The following SPATA18 variants were observed in gnomAD, a reference collection of about 807,000 sequenced individuals.
SPATA18 encodes the protein mitochondria-eating protein.
SPATA18 carries 54 observed loss-of-function variants against 68.1 expected under a neutral mutation model. The observed-to-expected ratio is 0.79, with a 90% CI of 0.64 to 0.99. The LOEUF (loss-of-function observed/expected upper bound fraction) is 0.99. Ranked by LOEUF, SPATA18 falls within the 50% of genes least tolerant of loss-of-function variation. The pLI is 0.00. For missense variants in SPATA18, 724 were observed against 681.1 expected (o/e 1.06, Z -0.70); for synonymous variants, 242 against 244.8 (o/e 0.99, Z 0.11).
In SPATA18 at chr4:52,082,456, G is replaced by T; in HGVS notation, c.1425G>T (p.Met475Ile). 6.2e-7 allele frequency: 1 copy of T among 1,614,116 alleles called. No homozygotes were observed. Among genetic ancestry groups the T allele is most frequent in the African/African-American group, 1.3e-5 (1 of 75,040 alleles). Residue 475 changes from methionine (M) to isoleucine (I), a missense_variant, in exon 10 of 13, where the codon ATG (methionine) becomes ATT (isoleucine). Met to Ile is a conservative substitution (Grantham distance 10). Coordinates refer to ENST00000295213, the MANE Select transcript of SPATA18 (RefSeq NM_145263.4). ...LVLYHVWPAL[M>I]ENDCVIMKGE... is the part of the protein sequence containing the mutation. ...TCTATCACGTGTGGCCTGCTCTCAT[G>T]GAGAATGACTGTGTCATTATGAAGG...
In SPATA18 at chr4:52,082,410, A is replaced by AT; in HGVS notation, c.1382dup (p.Thr462HisfsTer17). ...AGATACCGCCGCAGCTACGACTCGG[A>AT]TTTCACTGCTCCCTTAGTCCTCTAT... On this transcript the variant is annotated frameshift_variant, in exon 10 of 13. Transcript: ENST00000295213. LOFTEE classifies it high-confidence loss of function. 1 of 1,613,986 alleles carries AT rather than the reference A, an allele frequency of 6.2e-7. No homozygotes were observed. The highest frequency in any genetic ancestry group is 8.5e-7 in the Non-Finnish European group (1 of 1,179,948).
intron 6 of SPATA18, among the ~76,000 whole-genome samples, chr4:52,075,835 A>C (rs1307509674): frequency 6.6e-6 from 1 of 152,208 alleles, no homozygotes; most frequent in South Asian, 2.1e-4. Flanking sequence ...CATGAGCTTC[A>C]TCTGCCCAAG....
intron 8 of SPATA18, among the ~76,000 whole-genome samples, chr4:52,079,275 A>G (rs1191035076): frequency 6.6e-6 from 1 of 152,200 alleles, no homozygotes; most frequent in Non-Finnish European, 1.5e-5. Flanking sequence ...AAGTGGGAGT[A>G]ACACTGTTCA....
Position 52,051,642 on chromosome 4 carries a change from G to A in SPATA18, c.-63G>A, listed in dbSNP as rs1382364764. On this transcript the variant is annotated 5_prime_UTR_variant, in exon 1 of 13. Coordinates refer to ENST00000295213, the MANE Select transcript of SPATA18 (RefSeq NM_145263.4). ...CCATATCACCCCACGGTCCTGCGGAGGCCACCGCCTGGTCCCCCCAAGTCT... is the reference window on the plus strand; with the variant it reads ...CCATATCACCCCACGGTCCTGCGGAAGCCACCGCCTGGTCCCCCCAAGTCT... 3.3e-6 allele frequency: 5 copies of A among 1,506,730 alleles called. No homozygotes were observed. The East Asian group carries it at 6.8e-5, about 20-fold the overall frequency. The allele number at this position is 1,506,730 out of a possible 1,614,324, so 93.3% of individuals were successfully genotyped here.
At chr4:52,074,419 A>T (rs1259168806) in intron 6 of SPATA18, among the ~76,000 whole-genome samples, 1 of 152,194 alleles carries the variant, frequency 6.6e-6, no homozygotes, top group Admixed American at 6.5e-5. Flanking sequence ...AGGAAAAGTC[A>T]TGGTAATGTC....
chr4:52,079,004 A>G (rs1431760510), intron 8 of SPATA18, 111 bp downstream of exon 8: 2 of 1,173,766 alleles, frequency 1.7e-6, no homozygotes, highest in Non-Finnish European at 2.3e-6. Context: ...CTATGTAATG[A>G]AAAAGAAGAA....
chr4:52,085,112 C>A (rs1031447502), intron 11 of SPATA18, 113 bp downstream of exon 11: 2 of 738,838 alleles, frequency 2.7e-6, no homozygotes, highest in Non-Finnish European at 4.5e-6. Flanking sequence ...GGAAAGAGAA[C>A]CTGTTGCAAT....
intron 6 of SPATA18, among the ~76,000 whole-genome samples, chr4:52,074,712 A>G (rs984553566): frequency 6.6e-6 from 1 of 152,234 alleles, no homozygotes; most frequent in Non-Finnish European, 1.5e-5. Flanking sequence ...GAGTACCATT[A>G]TAACAGGGTG....
chr4:52,058,039 G>A (rs1398297644), intron 1 of SPATA18, among the ~76,000 whole-genome samples: 1 of 152,202 alleles, frequency 6.6e-6, no homozygotes, highest in Non-Finnish European at 1.5e-5. Flanking sequence ...AGGGCAAAAG[G>A]CTTGTAAGCA....
At chr4:52,082,861 A>G (rs1394104950) in intron 10 of SPATA18, 1 of 985,192 alleles carries the variant, frequency 1.0e-6, no homozygotes, top group Non-Finnish European at 1.2e-6. Context: ...AAATCAATTA[A>G]CTCTCAGGAA....
chr4:52,093,654 A>G (rs2109547352), intron 11 of SPATA18, among the ~76,000 whole-genome samples: 1 of 152,318 alleles, frequency 6.6e-6, no homozygotes, highest in East Asian at 1.9e-4. Flanking sequence ...AGAAGAAAAT[A>G]CTATTAGACA....
chr4:52,066,183 C>G (rs999384316), intron 4 of SPATA18, among the ~76,000 whole-genome samples: 1 of 152,176 alleles, frequency 6.6e-6, no homozygotes, highest in African/African-American at 2.4e-5. Context: ...CAGAGTCTCG[C>G]TCTGTCACCC....
chr4:52,060,473 G>A lies in SPATA18; in HGVS notation c.142G>A (p.Ala48Thr). The A allele has an allele frequency of 6.2e-7, 1 of 1,614,032 alleles. No homozygotes were observed. The highest frequency in any genetic ancestry group is 8.5e-7 in the Non-Finnish European group (1 of 1,179,950). ...NHCLELIEQVAKVQGQLFGIL... is the reference protein window; with the variant it reads ...NHCLELIEQVTKVQGQLFGIL... ...TTGCCTTGAACTCATTGAGCAAGTT[G>A]CCAAGGTGCAGGGACAACTCTTTGG... The change falls in exon 2 of 13, where the codon GCC becomes ACC. Residue 48 changes from alanine to threonine, a missense_variant. Transcript: ENST00000295213.
In SPATA18 at chr4:52,079,042, C is replaced by A. The variant is rs1578185561; in HGVS notation, c.1179+149C>A. The A allele has an allele frequency of 8.9e-6, 7 of 787,930 alleles. No homozygotes were observed. In the East Asian group the frequency reaches 2.1e-4, roughly 24 times the overall value. 48.8% of individuals were successfully genotyped at this position (787,930 alleles called of 1,614,324 possible). ...GAACAGCATTCAATTTACTTGGTAG[C>A]ACCTGCCATTATTGACTGTTTCTTC... On this transcript the variant is annotated intron_variant, in intron 8 of 12. Transcript: ENST00000295213.
intron 1 of SPATA18, among the ~76,000 whole-genome samples, chr4:52,058,714 C>T (rs889290028): frequency 6.6e-6 from 1 of 152,126 alleles, no homozygotes; most frequent in African/African-American, 2.4e-5. Flanking sequence ...TTGCATCATC[C>T]AGTCCTCCAT....
intron 11 of SPATA18, among the ~76,000 whole-genome samples, chr4:52,086,026 T>C (rs570346190): frequency 1.3e-5 from 2 of 152,308 alleles, no homozygotes; most frequent in East Asian, 3.9e-4. Flanking sequence ...GACCAAGACA[T>C]GTGGACACCA....
chr4:52,097,241 A>G lies in SPATA18; in HGVS notation c.*2354A>G, dbSNP rs1324751187. The G allele has an allele frequency of 6.6e-6, 1 of 152,210 alleles. No homozygotes were observed. Among genetic ancestry groups the G allele is most frequent in the African/African-American group, 2.4e-5 (1 of 41,446 alleles). The allele number at this position is 152,210 out of a possible 1,614,324, so 9.4% of individuals were successfully genotyped here. A position where few individuals can be genotyped will look rare whatever the true frequency, so the allele number is the denominator to read the frequency against. ...CTTAACATCTAATAATAACATTTAA[A>G]AAGTGCTTTTGTAACTATTAGTTAT... On this transcript the variant is annotated 3_prime_UTR_variant, in exon 13 of 13. Coordinates refer to ENST00000295213, the MANE Select transcript of SPATA18 (RefSeq NM_145263.4).
chr4:52,096,001 T>G lies in SPATA18; in HGVS notation c.*1114T>G, dbSNP rs972532538. ...AAACATCTACTTTCTCCACATACCT[T>G]TGAGAGAGACACTGAATTGGCCTCA... is the stretch of plus-strand genomic sequence containing the variant. On this transcript the variant is annotated 3_prime_UTR_variant, in exon 13 of 13. Transcript: ENST00000295213. 1 of 152,150 alleles carries G rather than the reference T, an allele frequency of 6.6e-6. No individual in the cohort carries two copies. The highest frequency in any genetic ancestry group is 6.6e-5 in the Admixed American group (1 of 15,258). 9.4% of individuals were successfully genotyped at this position (152,150 alleles called of 1,614,324 possible). A position where few individuals can be genotyped will look rare whatever the true frequency, so the allele number is the denominator to read the frequency against.
intron 4 of SPATA18, 100 bp from the exon 5 acceptor site, chr4:52,069,721 C>G (rs1739628926): frequency 1.5e-6 from 1 of 659,902 alleles, no homozygotes; most frequent in Non-Finnish European, 2.3e-6. Context: ...TTATGTTGAA[C>G]TATGTCATAT....
Sources: gnomAD v4.1 joint callset for allele counts (sites outside exome capture counted in the v4.1 genomes callset) on GRCh38, gnomAD v4.1.1 for gene constraint, MANE v1.5 for transcripts, NCBI Gene and HGNC (gene_info 2026-07-23, HGNC 2026-07-21) for gene names.